Variants in FARS2 observed in about 807,000 individuals in gnomAD.
FARS2 encodes phenylalanyl-tRNA synthetase 2, mitochondrial.
FARS2 carries 40 observed loss-of-function variants against 46.4 expected under a neutral mutation model. The observed-to-expected ratio is 0.86, with a 90% CI of 0.67 to 1.12. The LOEUF (loss-of-function observed/expected upper bound fraction) is 1.12. Ranked by LOEUF, FARS2 falls within the 50% of genes most tolerant of loss-of-function variation. The probability of loss-of-function intolerance (pLI) is 0.00; values close to 1 mark genes in which losing one functional copy is unlikely to be tolerated. For synonymous variants in FARS2, 234 were observed against 214.9 expected (o/e 1.09, Z -0.78); for missense variants, 513 against 567.9 (o/e 0.90, Z 0.98).
At chr6:5,332,289 A>G (rs552192137) in intron 1 of FARS2, among the ~76,000 whole-genome samples, 2 of 152,264 alleles carry the variant, frequency 1.3e-5, no homozygotes, top group Non-Finnish European at 2.9e-5. Flanking sequence ...GGCATAGCAC[A>G]TCATCTTCAG....
chr6:5,762,300 T>C (rs900889819), intron 6 of FARS2, among the ~76,000 whole-genome samples: 20 of 152,234 alleles, frequency 1.3e-4, no homozygotes, highest in African/African-American at 4.6e-4. Context: ...ATCTATATTT[T>C]AGAAGGAGAA....
At chr6:5,255,874 A>G in the FARS2 span, among the ~76,000 whole-genome samples, 1 of 152,208 alleles carries the variant, frequency 6.6e-6, no homozygotes, top group African/African-American at 2.4e-5. Context: ...TCACCCCAGG[A>G]TGAGAACTAC....
intron 1 of FARS2, among the ~76,000 whole-genome samples, chr6:5,268,838 T>C (rs1178819320): frequency 6.6e-6 from 1 of 152,214 alleles, no homozygotes; most frequent in African/African-American, 2.4e-5. Flanking sequence ...TCCATGAGCA[T>C]GGAATGTTCT....
chr6:5,737,231 G>C (rs1266181828), intron 6 of FARS2, among the ~76,000 whole-genome samples: 1 of 152,142 alleles, frequency 6.6e-6, no homozygotes, highest in Non-Finnish European at 1.5e-5. Flanking sequence ...AAATAGAATA[G>C]GCTTCAGAAA....
rs185862123 is a variant in FARS2, at chr6:5,433,682, A to C, written c.904+2510A>C. Among the ~76,000 whole-genome samples the C allele has an allele frequency of 5.3e-5, 8 of 152,368 alleles. No individual in the cohort carries two copies. In the East Asian group the frequency reaches 1.3e-3, roughly 26 times the overall value. ...TCTCCTTGAGTAGGAGCTGACTTCA[A>C]ATACCTCTGTGATGATTTGATAGTT... On this transcript the variant is annotated intron_variant, in intron 4 of 6. Transcript: ENST00000274680.
At chr6:5,464,566 C>G (rs1245788732) in intron 4 of FARS2, among the ~76,000 whole-genome samples, 1 of 152,206 alleles carries the variant, frequency 6.6e-6, no homozygotes, top group East Asian at 1.9e-4. Context: ...TACCTTTACT[C>G]AATTGCCAGG....
intron 1 of FARS2, among the ~76,000 whole-genome samples, chr6:5,296,405 T>A (rs1289368025): frequency 2.0e-5 from 3 of 152,198 alleles, no homozygotes; most frequent in Non-Finnish European, 4.4e-5. Context: ...CCTCCCAAAG[T>A]GCTGGGATTA....
intron 6 of FARS2, among the ~76,000 whole-genome samples, chr6:5,697,088 CT>C (rs968033301): frequency 7.2e-4 from 108 of 149,280 alleles, no homozygotes; most frequent in African/African-American, 2.2e-3. Flanking sequence ...ACGTTAATAC[CT>C]TTTTTTTTTC....
chr6:5,710,620 T>C (rs1759082229), intron 6 of FARS2, among the ~76,000 whole-genome samples: 1 of 152,174 alleles, frequency 6.6e-6, no homozygotes, highest in African/African-American at 2.4e-5. Flanking sequence ...CCCAGGAGTC[T>C]CTCAATTCAC....
chr6:5,721,262 C>A (rs1283567215), intron 6 of FARS2, among the ~76,000 whole-genome samples: 2 of 152,022 alleles, frequency 1.3e-5, no homozygotes, highest in African/African-American at 4.8e-5. Flanking sequence ...CTTCTTATAC[C>A]AGCTTCTGTA....
At chr6:5,269,841 A>C (rs905806499) in intron 1 of FARS2, among the ~76,000 whole-genome samples, 44 of 152,254 alleles carry the variant, frequency 2.9e-4, no homozygotes, top group African/African-American at 1.0e-3. Context: ...AGATATACAG[A>C]GAATTCATGA....
chr6:5,368,611 T>TCTAC lies in FARS2; in HGVS notation c.44_47dup (p.Val17ProfsTer4). 6.2e-7 allele frequency: 1 copy of TCTAC among 1,613,978 alleles called. No individual in the cohort carries two copies. Among genetic ancestry groups the TCTAC allele is most frequent in the Non-Finnish European group, 8.5e-7 (1 of 1,179,904 alleles). On this transcript the variant is annotated frameshift_variant, in exon 2 of 7. Coordinates refer to ENST00000274680, the MANE Select transcript of FARS2 (RefSeq NM_006567.5). LOFTEE classifies it high-confidence loss of function. Reference sequence around the variant, plus strand: ...CTCAGGAGAGGTGCCCATGCATATGTCTACCTGGTGAGTAAGGCCAGTCAC... The same window carrying TCTAC: ...CTCAGGAGAGGTGCCCATGCATATGTCTACCTACCTGGTGAGTAAGGCCAGTCAC...
chr6:5,516,337 C>T (rs1384389359), intron 4 of FARS2, among the ~76,000 whole-genome samples: 16 of 152,264 alleles, frequency 1.1e-4, no homozygotes, highest in South Asian at 1.0e-3. Flanking sequence ...TGTTCTCTGC[C>T]GTGTCATCTT....
chr6:5,393,452 C>T (rs538517829), intron 2 of FARS2, among the ~76,000 whole-genome samples: 2 of 151,970 alleles, frequency 1.3e-5, no homozygotes, highest in Non-Finnish European at 1.5e-5. Context: ...GTCAAGAGAT[C>T]GAGACCATCC....
intron 4 of FARS2, among the ~76,000 whole-genome samples, chr6:5,518,444 A>G (rs1166897670): frequency 1.3e-5 from 2 of 152,134 alleles, no homozygotes; most frequent in Non-Finnish European, 2.9e-5. Flanking sequence ...AAGTTTTGGA[A>G]GGATGTCAGA....
chr6:5,737,196 C>T (rs1378036585), intron 6 of FARS2, among the ~76,000 whole-genome samples: 2 of 152,118 alleles, frequency 1.3e-5, no homozygotes, highest in Admixed American at 1.3e-4. Context: ...CAAAAGGGAT[C>T]CTGAAAGGCA....
At chr6:5,260,927 C>A, upstream of FARS2, 1 of 1,355,800 alleles carries the variant, frequency 7.4e-7, no homozygotes, top group Non-Finnish European at 9.4e-7. Context: ...CGCGCCGCTT[C>A]GGGGGCGGGC....
chr6:5,631,595 CCTT>C (rs1458950034), intron 6 of FARS2, among the ~76,000 whole-genome samples: 1 of 152,228 alleles, frequency 6.6e-6, no homozygotes, highest in African/African-American at 2.4e-5. Flanking sequence ...TGTGTGGAGT[CCTT>C]CTTCCATGAC....
At position 5,431,024 on chromosome 6, in the gene FARS2, C is replaced by A. The variant is rs911419325; in HGVS notation, c.773-17C>A. ...GCTATTTAACACTACTTATTTGTTT[C>A]TTTGGCAACTTTGCAGAGCTGGAGA... On this transcript the variant is annotated splice_polypyrimidine_tract_variant and intron_variant, in intron 3 of 6. Transcript: ENST00000274680. The A allele has an allele frequency of 6.2e-7, 1 of 1,611,678 alleles. No homozygotes were observed. Among genetic ancestry groups the A allele is most frequent in the South Asian group, 1.1e-5 (1 of 90,704 alleles).
Sources: gnomAD v4.1 joint callset for allele counts (sites outside exome capture counted in the v4.1 genomes callset) on GRCh38, gnomAD v4.1.1 for gene constraint, MANE v1.5 for transcripts, NCBI Gene and HGNC (gene_info 2026-07-23, HGNC 2026-07-21) for gene names.